The following BCAR1 variants were observed in gnomAD, a reference collection of about 807,000 sequenced individuals.
BCAR1 encodes breast cancer anti-estrogen resistance protein 1.
In BCAR1, 30 loss-of-function variants were observed where a neutral mutation model predicts 67.6. The observed-to-expected ratio is 0.44, with a 90% CI of 0.33 to 0.60. The LOEUF (loss-of-function observed/expected upper bound fraction) is 0.60. BCAR1 is among the 20% of genes least tolerant of loss of function. The pLI is 0.02. For synonymous variants in BCAR1, 626 were observed against 556.7 expected, an observed-to-expected ratio of 1.12 and a Z score of -1.75; for missense variants, 1,313 against 1,222.3, an observed-to-expected ratio of 1.07 and a Z score of -1.11.
rs1392672795 is a variant in BCAR1 at position 75,229,865 on chromosome 16, G to A, written c.2259C>T (p.Ala753=). 8.7e-6 allele frequency: 14 copies of A among 1,613,270 alleles called. No homozygotes were observed. Among genetic ancestry groups the A allele is most frequent in the Middle Eastern group, 1.7e-4 (1 of 6,058 alleles). ...LLLFYLEQCE[A]NLTTLTNAVD... is the part of the protein sequence containing the mutation. Reference sequence around the variant, plus strand: ...CGGCGTTGGTCAGTGTGGTCAGGTTGGCCTCACACTGCTCCAGGTAGAAGA... The same window carrying A: ...CGGCGTTGGTCAGTGTGGTCAGGTTAGCCTCACACTGCTCCAGGTAGAAGA... Residue 753 remains alanine, a synonymous_variant, in exon 7 of 7, where the codon GCC becomes GCT. Coordinates refer to ENST00000162330, the MANE Select transcript of BCAR1 (RefSeq NM_014567.5).
At chr16:75,266,793 G>A (rs1384641524) in intron 1 of BCAR1, 1 of 1,436,514 alleles carries the variant, frequency 7.0e-7, no homozygotes, top group South Asian at 1.5e-5. Flanking sequence ...GAGCAAGTGG[G>A]GCTGGGGTCC....
rs2076811381 is a variant in BCAR1 at position 75,229,333 on chromosome 16, T to C, written c.*178A>G. 1 of 1,060,446 alleles carries C rather than the reference T, an allele frequency of 9.4e-7. No individual in the cohort carries two copies. The highest frequency in any genetic ancestry group is 1.6e-5 in the African/African-American group (1 of 62,174). 65.7% of individuals were successfully genotyped at this position (1,060,446 alleles called of 1,614,324 possible). A position where few individuals can be genotyped will look rare whatever the true frequency, so the allele number is the denominator to read the frequency against. On this transcript the variant is annotated 3_prime_UTR_variant, in exon 7 of 7. Coordinates refer to ENST00000162330, the MANE Select transcript of BCAR1 (RefSeq NM_014567.5). ...CTGGGCTTCGGCTCCTGAGGAGGCA[T>C]GGCCCCACACCCTGCCCGGCCATAA...
Position 75,237,236 on chromosome 16 carries a change from T to A in BCAR1, c.742A>T (p.Ile248Phe), listed in dbSNP as rs1425766311. The A allele has an allele frequency of 9.0e-6, 14 of 1,557,282 alleles. No individual in the cohort carries two copies. The highest frequency in any genetic ancestry group is 1.2e-5 in the Non-Finnish European group (14 of 1,154,318). The stretch of plus-strand genomic sequence containing the variant: ...CCCCGAACCGGGGGCACATCATAGA[T>A]GTCCTGTGGCCCCGGGGCCAGCAGG... ...RHLLAPGPQD[I>F]YDVPPVRGLL... is the part of the protein sequence containing the mutation. The change falls in exon 3 of 7, where the codon ATC (isoleucine) becomes TTC (phenylalanine). Residue 248 changes from isoleucine to phenylalanine, a missense_variant. This residue lies in a region of BCAR1 where 1,272 missense variants were observed against 1,137.5 expected (regional missense o/e 1.12). Coordinates refer to ENST00000162330, the MANE Select transcript of BCAR1 (RefSeq NM_014567.5).
At chr16:75,256,442 C>T (rs995363301), upstream of BCAR1, among the ~76,000 whole-genome samples, 2 of 152,016 alleles carry the variant, frequency 1.3e-5, no homozygotes, top group Non-Finnish European at 2.9e-5. Flanking sequence ...AGGCCAGTCC[C>T]CAGAGACCCG....
chr16:75,263,618 C>G (rs903517036), intron 1 of BCAR1: 1 of 985,470 alleles, frequency 1.0e-6, no homozygotes, highest in African/African-American at 1.7e-5. Context: ...ACCCGCACAA[C>G]CAGCCCACCA....
rs750138255 is a variant in BCAR1 at position 75,242,713 on chromosome 16, G to A, written c.390C>T (p.Val130=). ...ACTGGAACTGAGGGCTGGGACCCGG[G>A]ACTTGGTAGAGGCCTTGCTGAGCCT... is the stretch of plus-strand genomic sequence containing the variant. ...PSKAQQGLYQ[V]PGPSPQFQSP... is the part of the protein sequence containing the mutation. The change falls in exon 2 of 7, where the codon GTC becomes GTT. Residue 130 remains valine (V), a synonymous_variant. Coordinates refer to ENST00000162330, the MANE Select transcript of BCAR1 (RefSeq NM_014567.5). 2 of 1,561,140 alleles carry A rather than the reference G, an allele frequency of 1.3e-6. No individual in the cohort carries two copies. The highest frequency in any genetic ancestry group is 4.5e-5 in the East Asian group (2 of 44,376).
intron 1 of BCAR1, chr16:75,248,126 A>T (rs117757420): frequency 0.03 from 48,042 of 1,596,796 alleles, 1,135 homozygotes; most frequent in Middle Eastern, 0.11. Flanking sequence ...GTCCAGAAGC[A>T]GCAGAGGCCG....
chr16:75,243,280 G>A (rs2077414280), intron 1 of BCAR1, among the ~76,000 whole-genome samples, 190 bp from the exon 2 acceptor site: 1 of 152,076 alleles, frequency 6.6e-6, no homozygotes, highest in Non-Finnish European at 1.5e-5. Context: ...AGGCCCAGCT[G>A]ATCCTGGCCT....
chr16:75,264,467 G>A (rs1239773290), intron 1 of BCAR1: 15 of 1,495,340 alleles, frequency 1.0e-5, no homozygotes, highest in Non-Finnish European at 4.4e-6. Flanking sequence ...TTCCAGGAGA[G>A]CAGAACAGAA....
rs2076814269 is a variant in BCAR1, at chr16:75,229,436, G to A, written c.*75C>T. 2 of 1,447,104 alleles carry A rather than the reference G, an allele frequency of 1.4e-6. No homozygotes were observed. Among genetic ancestry groups the A allele is most frequent in the Non-Finnish European group, 9.1e-7 (1 of 1,101,256 alleles). The allele number at this position is 1,447,104 out of a possible 1,614,324, so 89.6% of individuals were successfully genotyped here. On this transcript the variant is annotated 3_prime_UTR_variant, in exon 7 of 7. Coordinates refer to ENST00000162330, the MANE Select transcript of BCAR1 (RefSeq NM_014567.5). ...GTCCTGTCCCTAAGCCTGTGGCACA[G>A]CGACTCTTGACATGGGAGCCAGGGA...
At chr16:75,239,991 A>G (rs1356833040) in intron 2 of BCAR1, among the ~76,000 whole-genome samples, 1 of 152,072 alleles carries the variant, frequency 6.6e-6, no homozygotes, top group African/African-American at 2.4e-5. Context: ...CCATCTGACC[A>G]TGAAAGAGCC....
At chr16:75,241,319 C>T (rs1412887229) in intron 2 of BCAR1, among the ~76,000 whole-genome samples, 1 of 152,074 alleles carries the variant, frequency 6.6e-6, no homozygotes, top group Non-Finnish European at 1.5e-5. Flanking sequence ...TGTGTGTGTT[C>T]GTGCATATGG....
At chr16:75,236,401 T>TCACCGCCGCTGCCACCTCATCACCAC (rs2077136242) in intron 4 of BCAR1, 1 of 313,264 alleles carries the variant, frequency 3.2e-6, no homozygotes, top group East Asian at 7.0e-5. Context: ...TTCATCACCA[T>TCACCGCCGCTGCCACCTCATCACCAC]CACCGCCGCT....
At position 75,235,209 on chromosome 16, in the gene BCAR1, C is replaced by T. The variant is rs376696491; in HGVS notation, c.1690G>A (p.Ala564Thr). 5 of 1,607,812 alleles carry T rather than the reference C, an allele frequency of 3.1e-6. No individual in the cohort carries two copies. Among genetic ancestry groups the T allele is most frequent in the Admixed American group, 1.7e-5 (1 of 59,950 alleles). Residue 564 changes from alanine (A) to threonine (T), a missense_variant, in exon 5 of 7, where the codon GCT becomes ACT. Transcript: ENST00000162330. ...GTGGCTCCAGAGCCTCCCCGGCCAG[C>T]GTCGAGGGCCTGACCATGTGCCACC... Reference protein sequence around the residue: ...TLVAHGQALDAGRGGSGATLE... With the variant: ...TLVAHGQALDTGRGGSGATLE...
At position 75,235,902 on chromosome 16, in the gene BCAR1, A is replaced by G. The variant is rs149307086; in HGVS notation, c.997T>C (p.Phe333Leu). 8.0e-5 allele frequency: 125 copies of G among 1,564,290 alleles called. No individual in the cohort carries two copies. The highest frequency in any genetic ancestry group is 5.1e-5 in the Non-Finnish European group (59 of 1,154,828). Residue 333 changes from phenylalanine (F) to leucine (L), a missense_variant, in exon 5 of 7, where the codon TTC (phenylalanine) becomes CTC (leucine). Physicochemically the swap from Phe to Leu is conservative, Grantham distance 22. Coordinates refer to ENST00000162330, the MANE Select transcript of BCAR1 (RefSeq NM_014567.5). ...GGGTCAAAGGGCTTGGCCTTGGCGA[A>G]GGCGGGGGGCACATCGTAGGTCTCC... ...REETYDVPPA[F>L]AKAKPFDPAR...
rs890765071 is a variant in BCAR1 at position 75,233,867 on chromosome 16, C to G, written c.2079G>C (p.Lys693Asn). ...TCACCTGCTGCAACTCCAGCTGGCT[C>G]TTGCCCTGCCGCGTGATGCTGCCCT... Reference protein sequence around the residue: ...LEKGSITRQGKSQLELQQLKQ... With the variant: ...LEKGSITRQGNSQLELQQLKQ... The change falls in exon 6 of 7, where the codon AAG becomes AAC. Residue 693 changes from lysine (K) to asparagine (N), a missense_variant. Lys to Asn is a moderately conservative substitution (Grantham distance 94). Coordinates refer to ENST00000162330, the MANE Select transcript of BCAR1 (RefSeq NM_014567.5). 1.2e-6 allele frequency: 2 copies of G among 1,608,886 alleles called. No homozygotes were observed. Among genetic ancestry groups the G allele is most frequent in the African/African-American group, 1.3e-5 (1 of 74,862 alleles).
At chr16:75,234,371 C>A (rs561303742) in intron 5 of BCAR1, among the ~76,000 whole-genome samples, 31 of 152,290 alleles carry the variant, frequency 2.0e-4, no homozygotes, top group African/African-American at 7.5e-4. Flanking sequence ...CCGCAAGCTC[C>A]ACCCTGCCTT....
At chr16:75,238,749 C>A in intron 2 of BCAR1, 3 of 985,548 alleles carry the variant, frequency 3.0e-6, no homozygotes, top group South Asian at 9.4e-5. Context: ...TCCCTCCACG[C>A]GCCCCAGACT....
At chr16:75,241,095 T>A (rs2077323823) in intron 2 of BCAR1, among the ~76,000 whole-genome samples, 1 of 152,156 alleles carries the variant, frequency 6.6e-6, no homozygotes, top group African/African-American at 2.4e-5. Flanking sequence ...CATTTGTACG[T>A]TTGTGGGATA....
Sources: gnomAD v4.1 joint callset for allele counts (sites outside exome capture counted in the v4.1 genomes callset) on GRCh38, gnomAD v4.1.1 for gene constraint, gnomAD v4.1.1 regional missense constraint, MANE v1.5 for transcripts, NCBI Gene and HGNC (gene_info 2026-07-23, HGNC 2026-07-21) for gene names.